The following ANKRD26 variants were observed in gnomAD, a reference collection of about 807,000 sequenced individuals.
ANKRD26 encodes the protein ankyrin repeat domain-containing protein 26.
ANKRD26 carries 141 observed loss-of-function variants against 208.7 expected under a neutral mutation model. The ratio of observed to expected loss-of-function variants is 0.68; its 90% CI spans 0.59 to 0.78. ANKRD26 has a LOEUF of 0.78. Ranked by LOEUF, ANKRD26 falls within the 30% of genes least tolerant of loss-of-function variation. The pLI is 0.00. For synonymous variants in ANKRD26, 636 were observed against 660.4 expected (o/e 0.96, Z 0.57); for missense variants, 1,889 against 1,938.7 (o/e 0.97, Z 0.48).
At chr10:26,971,689 A>AAAG (rs1554766364), downstream of ANKRD26, among the ~76,000 whole-genome samples, 1 of 151,672 alleles carries the variant, frequency 6.6e-6, no homozygotes, top group African/African-American at 2.4e-5. Flanking sequence ...AAAAAAAAAA[A>AAAG]AAAAGAAAAC....
Position 27,035,622 on chromosome 10 carries a change from A to G in ANKRD26, c.2828T>C (p.Phe943Ser), listed in dbSNP as rs1406685788. The change falls in exon 24 of 34, where the codon TTT (phenylalanine) becomes TCT (serine). Residue 943 changes from phenylalanine to serine, a missense_variant. Transcript: ENST00000376087. ...TTCTTTTACAATTTTAAGGTCCTCA[A>G]AACATTTCTTTTCTTTTTCCTGGTT... is the stretch of plus-strand genomic sequence containing the variant. ...NQNQEKEKKC[F>S]EDLKIVKEKN... The G allele has an allele frequency of 4.4e-6, 7 of 1,595,062 alleles. No homozygotes were observed. Among genetic ancestry groups the G allele is most frequent in the South Asian group, 1.2e-5 (1 of 86,322 alleles).
chr10:26,966,024 A>G, the ANKRD26 span, among the ~76,000 whole-genome samples: 12 of 152,186 alleles, frequency 7.9e-5, no homozygotes, highest in African/African-American at 1.4e-4. Flanking sequence ...AAACTTTTAC[A>G]CTGTTGGTGG....
chr10:27,006,422 T>C (rs2052883412), intron 33 of ANKRD26, among the ~76,000 whole-genome samples: 1 of 152,202 alleles, frequency 6.6e-6, no homozygotes, highest in Admixed American at 6.5e-5. Flanking sequence ...GAACTTCTCC[T>C]GAGGGCAAAG....
At chr10:26,958,073 T>TTACATA in the ANKRD26 span, among the ~76,000 whole-genome samples, 1 of 144,160 alleles carries the variant, frequency 6.9e-6, no homozygotes, top group Non-Finnish European at 1.5e-5. Context: ...TCACCCAGTT[T>TTACATA]TATATATATA....
At chr10:27,086,775 T>TTG (rs1377887209) in intron 4 of ANKRD26, among the ~76,000 whole-genome samples, 166 bp from the exon 5 acceptor site, 35 of 141,176 alleles carry the variant, frequency 2.5e-4, no homozygotes, top group African/African-American at 8.8e-4. Context: ...TTTGTTTTTT[T>TTG]TTTTTTTTTT....
In ANKRD26 at chr10:27,067,061, C is replaced by T. The variant is rs558501568; in HGVS notation, c.1207+96G>A. On this transcript the variant is annotated intron_variant, in intron 10 of 33. Coordinates refer to ENST00000376087, the MANE Select transcript of ANKRD26 (RefSeq NM_014915.3). ...ACCTCAGGTGATCCACCTGCCTCAG[C>T]CTCCCAAAGTGCTGGGATCACAGGT... 4.9e-5 allele frequency: 70 copies of T among 1,421,900 alleles called. No homozygotes were observed. The African/African-American group carries it at 9.0e-4, about 18-fold the overall frequency. 88.1% of individuals were successfully genotyped at this position (1,421,900 alleles called of 1,614,324 possible). A position where few individuals can be genotyped will look rare whatever the true frequency, so the allele number is the denominator to read the frequency against.
At chr10:27,034,762 G>T in intron 24 of ANKRD26, 34 bp downstream of exon 24, 1 of 1,449,158 alleles carries the variant, frequency 6.9e-7, no homozygotes, top group South Asian at 1.2e-5. Flanking sequence ...TCTTTCAGGA[G>T]GTTTGAAAAA....
rs1481057563 is a variant in ANKRD26, at chr10:27,024,550, C to A, written c.3982G>T (p.Glu1328Ter). 5 of 1,534,906 alleles carry A rather than the reference C, an allele frequency of 3.3e-6. No individual in the cohort carries two copies. The highest frequency in any genetic ancestry group is 3.6e-6 in the Non-Finnish European group (4 of 1,111,386). ...NLLNANLSED[E>*]KEQLKKLMEL... The stretch of plus-strand genomic sequence containing the variant: ...ATAAGTTTCTTTAATTGTTCCTTTT[C>A]ATCTTCAGACTTTGAAACAAAATAT... Residue 1328 changes from glutamate (E) to a stop codon, truncating the protein, a stop_gained, in exon 28 of 34, where the codon GAA becomes TAA. Transcript: ENST00000376087. LOFTEE classifies it high-confidence loss of function.
At chr10:27,057,317 A>G (rs1041964982) in intron 15 of ANKRD26, among the ~76,000 whole-genome samples, 1 of 151,754 alleles carries the variant, frequency 6.6e-6, no homozygotes, top group Non-Finnish European at 1.5e-5. Flanking sequence ...TTCTGTTTTT[A>G]TTTTTCAGTA....
chr10:27,092,303 A>C (rs2056325680), intron 4 of ANKRD26, 103 bp downstream of exon 4: 11 of 802,328 alleles, frequency 1.4e-5, no homozygotes, highest in Non-Finnish European at 2.3e-5. Context: ...GTTGCCCCTC[A>C]AGAACAAGCA....
In ANKRD26 at chr10:27,100,093, C is replaced by A; in HGVS notation, c.234G>T (p.Lys78Asn). The change falls in exon 1 of 34, where the codon AAG (lysine) becomes AAT (asparagine). Residue 78 changes from lysine to asparagine, a missense_variant. Transcript: ENST00000376087. ...LRKNGLNDRDKMNRTALHLAC... is the reference protein window; with the variant it reads ...LRKNGLNDRDNMNRTALHLAC... ...CTTGCGACGCCTATTACCTGTTCAT[C>A]TTGTCTCTATCGTTCAAGCCATTCT... The A allele has an allele frequency of 6.2e-7, 1 of 1,614,034 alleles. No individual in the cohort carries two copies. The highest frequency in any genetic ancestry group is 8.5e-7 in the Non-Finnish European group (1 of 1,179,970).
intron 10 of ANKRD26, 85 bp downstream of exon 10, chr10:27,067,072 G>A (rs925617001): frequency 6.7e-7 from 1 of 1,489,736 alleles, no homozygotes; most frequent in South Asian, 1.1e-5. Context: ...CTCCCAAAGT[G>A]CTGGGATCAC....
chr10:27,007,379 C>T (rs2052925655), intron 32 of ANKRD26, among the ~76,000 whole-genome samples: 8 of 152,116 alleles, frequency 5.3e-5, no homozygotes, highest in Admixed American at 5.2e-4. Context: ...TCTGGTGGGG[C>T]ACAGTGGCTC....
the ANKRD26 span, among the ~76,000 whole-genome samples, chr10:26,962,096 G>A: frequency 9.2e-3 from 1,397 of 152,240 alleles, 22 homozygotes; most frequent in African/African-American, 0.032. Flanking sequence ...TTTCCAGACA[G>A]AGGGGATGGC....
At chr10:27,075,680 C>CT (rs891924093) in intron 9 of ANKRD26, among the ~76,000 whole-genome samples, 53 of 152,166 alleles carry the variant, frequency 3.5e-4, no homozygotes, top group African/African-American at 1.1e-3. Flanking sequence ...ACTGACAGCA[C>CT]TAGACAGGTC....
At chr10:27,074,586 C>T (rs1197879928) in intron 9 of ANKRD26, among the ~76,000 whole-genome samples, 1 of 151,992 alleles carries the variant, frequency 6.6e-6, no homozygotes, top group East Asian at 1.9e-4. Flanking sequence ...GGGGCTGAAG[C>T]AGGAGAAGTG....
rs778821304 is a variant in ANKRD26 at position 27,037,246 on chromosome 10, C to T, written c.2637G>A (p.Leu879=). ...QNARMLQDGI[L]TNHLSKQKEI... is the part of the protein sequence containing the mutation. Reference sequence around the variant, plus strand: ...CCTTTTGTTTGGAAAGGTGATTGGTCAGAATTCCATCTTGTAACATTCTGG... The same window carrying T: ...CCTTTTGTTTGGAAAGGTGATTGGTTAGAATTCCATCTTGTAACATTCTGG... Residue 879 remains leucine, a synonymous_variant, in exon 23 of 34, where the codon CTG becomes CTA. Coordinates refer to ENST00000376087, the MANE Select transcript of ANKRD26 (RefSeq NM_014915.3). The T allele has an allele frequency of 1.9e-6, 3 of 1,613,722 alleles. No individual in the cohort carries two copies. Among genetic ancestry groups the T allele is most frequent in the Non-Finnish European group, 2.5e-6 (3 of 1,179,836 alleles).
At position 27,024,551 on chromosome 10, in the gene ANKRD26, A is replaced by T; in HGVS notation, c.3981T>A (p.Asp1327Glu). ...KNLLNANLSEDEKEQLKKLME... is the reference protein window; with the variant it reads ...KNLLNANLSEEEKEQLKKLME... ...TAAGTTTCTTTAATTGTTCCTTTTC[A>T]TCTTCAGACTTTGAAACAAAATATT... is the stretch of plus-strand genomic sequence containing the variant. The change falls in exon 28 of 34, where the codon GAT becomes GAA. Residue 1327 changes from aspartate to glutamate, a missense_variant. Physicochemically the swap from Asp to Glu is conservative, Grantham distance 45 (BLOSUM62 2). Around this residue, in one of 3 missense-constraint regions of ANKRD26, gnomAD observed 613 missense variants for 648.2 expected, o/e 0.95. Coordinates refer to ENST00000376087, the MANE Select transcript of ANKRD26 (RefSeq NM_014915.3). The T allele has an allele frequency of 6.5e-7, 1 of 1,535,554 alleles. No individual in the cohort carries two copies. Among genetic ancestry groups the T allele is most frequent in the Middle Eastern group, 1.7e-4 (1 of 5,912 alleles).
Position 27,100,401 on chromosome 10 carries a change from A to C in ANKRD26, c.-75T>G. 1.3e-6 allele frequency: 2 copies of C among 1,581,498 alleles called. No individual in the cohort carries two copies. The highest frequency in any genetic ancestry group is 1.7e-6 in the Non-Finnish European group (2 of 1,172,406). ...AACGGCCTCCGGAGCCCAACATAAC[A>C]AGTCAGCCCCGGCTGGCCGCAGCCT... On this transcript the variant is annotated 5_prime_UTR_variant, in exon 1 of 34. Coordinates refer to ENST00000376087, the MANE Select transcript of ANKRD26 (RefSeq NM_014915.3).
Sources: gnomAD v4.1 joint callset for allele counts (sites outside exome capture counted in the v4.1 genomes callset) on GRCh38, gnomAD v4.1.1 for gene constraint, gnomAD v4.1.1 regional missense constraint, MANE v1.5 for transcripts, NCBI Gene and HGNC (gene_info 2026-07-23, HGNC 2026-07-21) for gene names.